TTLL3: variants seen among roughly 807,000 people sequenced by gnomAD.
The protein encoded by TTLL3 is tubulin tyrosine ligase like 3.
A neutral mutation model predicts 75.2 loss-of-function variants in TTLL3; 63 were observed. The ratio of observed to expected loss-of-function variants is 0.84; its 90% CI spans 0.68 to 1.03. TTLL3 has a LOEUF of 1.03. Ranked by LOEUF, TTLL3 falls within the 50% of genes least tolerant of loss-of-function variation. TTLL3 has a pLI of 0.00. For missense variants in TTLL3, 997 were observed against 1,069.9 expected (o/e 0.93, Z 0.95); for synonymous variants, 393 against 418.5 (o/e 0.94, Z 0.74).
At chr3:9,831,160 A>G (rs977776549) in intron 11 of TTLL3, among the ~76,000 whole-genome samples, 1 of 138,146 alleles carries the variant, frequency 7.2e-6, no homozygotes, top group Non-Finnish European at 1.6e-5. Flanking sequence ...AGCACATAGT[A>G]AAGGCTTATA....
At chr3:9,820,212 C>G in intron 7 of TTLL3, 2 of 1,086,040 alleles carry the variant, frequency 1.8e-6, no homozygotes, top group South Asian at 3.5e-5. Context: ...TCACATAGGC[C>G]AAGACTCCCA....
chr3:9,834,854 C>T lies in TTLL3; in HGVS notation c.1999C>T (p.Leu667Phe), dbSNP rs372813467. The change falls in exon 13 of 14, where the codon CTC becomes TTC. Residue 667 changes from leucine to phenylalanine, a missense_variant. Physicochemically the swap from Leu to Phe is conservative, Grantham distance 22. Coordinates refer to ENST00000685419, the MANE Select transcript of TTLL3 (RefSeq NM_001387446.1). Reference protein sequence around the residue: ...TLPTAKVFISLPPNLDFKVAP... With the variant: ...TLPTAKVFISFPPNLDFKVAP... Reference sequence around the variant, plus strand: ...ACCCACGGCTAAGGTCTTCATTTCCCTCCCACCGAACCTTGATTTCAAGGT... The same window carrying T: ...ACCCACGGCTAAGGTCTTCATTTCCTTCCCACCGAACCTTGATTTCAAGGT... The T allele has an allele frequency of 7.4e-6, 12 of 1,614,240 alleles. No individual in the cohort carries two copies. Among genetic ancestry groups the T allele is most frequent in the East Asian group, 6.7e-5 (3 of 44,886 alleles).
Position 9,810,339 on chromosome 3 carries a change from T to C in TTLL3, c.-97T>C. The C allele has an allele frequency of 2.8e-6, 4 of 1,449,290 alleles. No individual in the cohort carries two copies. The highest frequency in any genetic ancestry group is 3.6e-6 in the Non-Finnish European group (4 of 1,113,074). The allele number at this position is 1,449,290 out of a possible 1,614,324, so 89.8% of individuals were successfully genotyped here. ...GCACCCACGCCCAGGGCGCCTCGGA[T>C]ACCCACCCCCTCGGCCCCCCGCACA... is the stretch of plus-strand genomic sequence containing the variant. On this transcript the variant is annotated 5_prime_UTR_variant, in exon 1 of 14. Transcript: ENST00000685419. This position sits in a 1 kb window ranked among gnomAD's most constrained non-coding sequence, Gnocchi z 4.4.
intron 9 of TTLL3, 81 bp from the exon 10 acceptor site, chr3:9,826,916 G>A: frequency 3.1e-6 from 5 of 1,590,770 alleles, no homozygotes; most frequent in Middle Eastern, 1.7e-4. Context: ...AGCTCCGAGG[G>A]GACAAGAGCT....
chr3:9,817,731 G>A lies in TTLL3; in HGVS notation c.531G>A (p.Gly177=), dbSNP rs770204498. ...TCTTCCCACGCTGCTACTGCCTGGG[G>A]GCTGAGGATGACAAAAAAGCCTTCA... ...NSFFPRCYCL[G]AEDDKKAFIE... The change falls in exon 6 of 14, where the codon GGG becomes GGA. Residue 177 remains glycine, a synonymous_variant. Coordinates refer to ENST00000685419, the MANE Select transcript of TTLL3 (RefSeq NM_001387446.1). 11 of 1,614,144 alleles carry A rather than the reference G, an allele frequency of 6.8e-6. No individual in the cohort carries two copies. The highest frequency in any genetic ancestry group is 2.7e-5 in the African/African-American group (2 of 75,026).
Position 9,810,268 on chromosome 3 carries a change from G to A in TTLL3, c.-168G>A, listed in dbSNP as rs1217080821. ...CGGCAGATGCCAGGCGGGCAGCCCC[G>A]CCCCTGCGCGCCGCCTCAGCGGCGC... On this transcript the variant is annotated 5_prime_UTR_variant, in exon 1 of 14. Transcript: ENST00000685419. The surrounding 1 kb of genome is among the most constrained non-coding windows in gnomAD (Gnocchi z 4.4). 23 of 1,505,700 alleles carry A rather than the reference G, an allele frequency of 1.5e-5. No homozygotes were observed. Among genetic ancestry groups the A allele is most frequent in the Non-Finnish European group, 2.0e-5 (23 of 1,136,258 alleles). The allele number at this position is 1,505,700 out of a possible 1,614,324, so 93.3% of individuals were successfully genotyped here.
intron 8 of TTLL3, among the ~76,000 whole-genome samples, chr3:9,821,888 A>G (rs900996711): frequency 2.0e-5 from 3 of 151,624 alleles, no homozygotes; most frequent in African/African-American, 7.3e-5. Flanking sequence ...CTATAATCCC[A>G]GCTGCTCAGG....
chr3:9,827,943 A>T (rs1430169030), intron 10 of TTLL3: 1 of 152,182 alleles, frequency 6.6e-6, no homozygotes, highest in African/African-American at 2.4e-5. Flanking sequence ...GGAGTTCGAG[A>T]CCAGCCTGAC....
chr3:9,826,230 A>G (rs776227214), intron 9 of TTLL3, among the ~76,000 whole-genome samples: 1 of 152,322 alleles, frequency 6.6e-6, no homozygotes, highest in Non-Finnish European at 1.5e-5. Flanking sequence ...ACGTGCTTCA[A>G]TTTATGCAAT....
At chr3:9,821,875 C>T (rs1056269054) in intron 8 of TTLL3, among the ~76,000 whole-genome samples, 8 of 151,746 alleles carry the variant, frequency 5.3e-5, no homozygotes, top group Admixed American at 3.9e-4. Flanking sequence ...TGGTGGCGCA[C>T]GCCTATAATC....
intron 8 of TTLL3, among the ~76,000 whole-genome samples, chr3:9,822,772 C>CATATATAT (rs1207021257): frequency 7.0e-6 from 1 of 141,856 alleles, no homozygotes; most frequent in Non-Finnish European, 1.5e-5. Flanking sequence ...ATAATATATA[C>CATATATAT]ATATATATAT....
At chr3:9,830,044 T>C (rs543227755) in intron 11 of TTLL3, among the ~76,000 whole-genome samples, 63 of 152,300 alleles carry the variant, frequency 4.1e-4, no homozygotes, top group Middle Eastern at 6.8e-3. Flanking sequence ...GGTTTTGCCA[T>C]GTTGGCCAGG....
rs187684755 is a variant in TTLL3, at chr3:9,825,548, G to A, written c.855-252G>A. 5.3e-6 allele frequency: 3 copies of A among 560,986 alleles called. No individual in the cohort carries two copies. The East Asian group carries it at 9.8e-5, about 18-fold the overall frequency. 34.8% of individuals were successfully genotyped at this position (560,986 alleles called of 1,614,324 possible). ...AGGGGGTGGCACAGGTGGAGTGTTG[G>A]AGTAGGGGGTGGTTTGCAGTTAATG... On this transcript the variant is annotated intron_variant, in intron 8 of 13. Transcript: ENST00000685419.
In TTLL3 at chr3:9,810,607, G is replaced by A. The variant is rs1034456929; in HGVS notation, c.-41-14G>A. The A allele has an allele frequency of 6.4e-7, 1 of 1,555,750 alleles. No individual in the cohort carries two copies. Among genetic ancestry groups the A allele is most frequent in the Non-Finnish European group, 8.7e-7 (1 of 1,148,954 alleles). ...CCTCAGTGTACCCCGCCCCTATTCC[G>A]CATCTTTCTGCAGGTTTCCCGGTCC... On this transcript the variant is annotated splice_polypyrimidine_tract_variant and intron_variant, in intron 1 of 13. Transcript: ENST00000685419. The surrounding 1 kb of genome is among the most constrained non-coding windows in gnomAD (Gnocchi z 4.4).
At chr3:9,815,525 G>C (rs551062486) in intron 4 of TTLL3, among the ~76,000 whole-genome samples, 1 of 152,346 alleles carries the variant, frequency 6.6e-6, no homozygotes, top group South Asian at 2.1e-4. Context: ...GGGTCCATGA[G>C]AGAGCCTGTG....
chr3:9,820,199 G>A (rs2080277745), intron 7 of TTLL3: 1 of 1,057,194 alleles, frequency 9.5e-7, no homozygotes, highest in South Asian at 3.8e-5. Flanking sequence ...TGTATAACTG[G>A]GTTCACATAG....
Position 9,835,181 on chromosome 3 carries a change from G to A in TTLL3, c.2140G>A (p.Val714Ile). ...PLKSEQFLAP[V>I]GRSRPKANSR... ...GAAGTCGGAACAATTCCTAGCACCTGTCGGAAGGTCAAGGCCAAAGGCAAA... is the reference window on the plus strand; with the variant it reads ...GAAGTCGGAACAATTCCTAGCACCTATCGGAAGGTCAAGGCCAAAGGCAAA... Residue 714 changes from valine to isoleucine, a missense_variant, in exon 14 of 14, where the codon GTC becomes ATC. Transcript: ENST00000685419. 1 of 1,614,162 alleles carries A rather than the reference G, an allele frequency of 6.2e-7. No individual in the cohort carries two copies. Among genetic ancestry groups the A allele is most frequent in the Admixed American group, 1.7e-5 (1 of 59,978 alleles).
chr3:9,817,021 G>A (rs1397031189), intron 5 of TTLL3, among the ~76,000 whole-genome samples: 5 of 152,106 alleles, frequency 3.3e-5, no homozygotes, highest in Non-Finnish European at 7.4e-5. Flanking sequence ...GCCTAGGCTG[G>A]TCTTGAACTC....
Position 9,813,340 on chromosome 3 carries a change from CT to C in TTLL3, c.311del (p.Leu104ArgfsTer32), listed in dbSNP as rs1270368866. On this transcript the variant is annotated frameshift_variant, in exon 4 of 14. Transcript: ENST00000685419. LOFTEE classifies it high-confidence loss of function. ...KFDDLDGTHA[L>X]MSRMVQNEIP... ...TGATGACCTAGATGGAACACATGCT[CT>C]GATGGTGAGGGCCCTGGGGGCCAAG... 1.9e-6 allele frequency: 3 copies of C among 1,614,138 alleles called. No homozygotes were observed. The Admixed American group carries it at 5.0e-5, about 27-fold the overall frequency.
Sources: gnomAD v4.1 joint callset for allele counts (sites outside exome capture counted in the v4.1 genomes callset) on GRCh38, gnomAD v4.1.1 for gene constraint, Gnocchi (gnomAD v3.1) non-coding constraint, MANE v1.5 for transcripts, NCBI Gene and HGNC (gene_info 2026-07-23, HGNC 2026-07-21) for gene names.